UGT1A8: variants seen among roughly 807,000 people sequenced by gnomAD.
UGT1A8 encodes the protein UDP-glucuronosyltransferase 1A8.
A neutral mutation model predicts 45.3 loss-of-function variants in UGT1A8; 39 were observed. That is an observed-to-expected ratio of 0.86 (90% CI 0.67 to 1.12). The LOEUF is 1.12. Ranked by LOEUF, UGT1A8 falls within the 50% of genes most tolerant of loss-of-function variation. The pLI is 0.00. For synonymous variants in UGT1A8, 275 were observed against 249.2 expected (o/e 1.10, Z -0.97); for missense variants, 719 against 664.9 (o/e 1.08, Z -0.90).
chr2:233,659,819 C>G (rs535810534), intron 1 of UGT1A8, among the ~76,000 whole-genome samples: 1 of 152,292 alleles, frequency 6.6e-6, no homozygotes, highest in Admixed American at 6.5e-5. Flanking sequence ...AAGTCAAAAG[C>G]AGTCTTCAAT....
chr2:233,704,993 G>C (rs973779449), intron 1 of UGT1A8, among the ~76,000 whole-genome samples: 1 of 152,050 alleles, frequency 6.6e-6, no homozygotes, highest in Non-Finnish European at 1.5e-5. Context: ...GAAATTAGCC[G>C]GGTATGGTGG....
intron 1 of UGT1A8, among the ~76,000 whole-genome samples, chr2:233,766,325 G>C (rs574966930): frequency 6.6e-6 from 1 of 152,110 alleles, no homozygotes; most frequent in African/African-American, 2.4e-5. Flanking sequence ...GCCAAACTCC[G>C]CGTTGTTCTG....
chr2:233,680,972 TGGAGGCAG>T (rs2074504500), intron 1 of UGT1A8, among the ~76,000 whole-genome samples: 1 of 151,994 alleles, frequency 6.6e-6, no homozygotes, highest in Admixed American at 6.6e-5. Context: ...GAAGGGTCCA[TGGAGGCAG>T]GGTTGTCAAT....
chr2:233,733,522 T>C (rs2078409587), intron 1 of UGT1A8, among the ~76,000 whole-genome samples: 1 of 152,228 alleles, frequency 6.6e-6, no homozygotes, highest in Non-Finnish European at 1.5e-5. Flanking sequence ...CATGAAGGGA[T>C]GTTTAATTTT....
intron 1 of UGT1A8, among the ~76,000 whole-genome samples, chr2:233,715,364 AT>A (rs1460416152): frequency 6.7e-6 from 1 of 149,952 alleles, no homozygotes; most frequent in African/African-American, 2.4e-5. Context: ...TGAGACTTAT[AT>A]TTTCTTCACA....
At chr2:233,678,520 GT>G (rs1347609986) in intron 1 of UGT1A8, among the ~76,000 whole-genome samples, 4 of 152,098 alleles carry the variant, frequency 2.6e-5, no homozygotes, top group Middle Eastern at 6.8e-3. Flanking sequence ...ATTACTGTCT[GT>G]TTTTTTCTCT....
intron 1 of UGT1A8, among the ~76,000 whole-genome samples, chr2:233,735,156 T>G (rs2078613836): frequency 6.6e-6 from 1 of 152,214 alleles, no homozygotes; most frequent in Non-Finnish European, 1.5e-5. Context: ...TCTAAGTCTC[T>G]GTGTAGGTCT....
At chr2:233,728,474 GATC>G (rs1486985053) in intron 1 of UGT1A8, among the ~76,000 whole-genome samples, 1 of 152,138 alleles carries the variant, frequency 6.6e-6, no homozygotes, top group Non-Finnish European at 1.5e-5. Flanking sequence ...CCAAGAATCT[GATC>G]ATCACATCTT....
At chr2:233,726,156 G>A (rs1332003910) in intron 1 of UGT1A8, among the ~76,000 whole-genome samples, 1 of 152,114 alleles carries the variant, frequency 6.6e-6, no homozygotes, top group Non-Finnish European at 1.5e-5. Context: ...ACAGAGTGAG[G>A]CCCCATTTCA....
At chr2:233,730,293 G>T (rs1228640650) in intron 1 of UGT1A8, among the ~76,000 whole-genome samples, 1 of 152,186 alleles carries the variant, frequency 6.6e-6, no homozygotes, top group East Asian at 1.9e-4. Context: ...TCATGGTTGT[G>T]CATGTCCTTC....
At chr2:233,690,534 A>G (rs1240259112) in intron 1 of UGT1A8, 1 of 1,287,984 alleles carries the variant, frequency 7.8e-7, no homozygotes, top group Non-Finnish European at 1.0e-6. Flanking sequence ...TACTTCTTTC[A>G]CCCCACTGGA....
intron 1 of UGT1A8, among the ~76,000 whole-genome samples, chr2:233,644,296 G>C (rs986064544): frequency 6.6e-6 from 1 of 152,278 alleles, no homozygotes; most frequent in Middle Eastern, 3.4e-3. Flanking sequence ...TGCTGGGCAC[G>C]GTGGCTCATG....
At chr2:233,669,684 T>C (rs946455339) in intron 1 of UGT1A8, among the ~76,000 whole-genome samples, 1 of 152,122 alleles carries the variant, frequency 6.6e-6, no homozygotes, top group African/African-American at 2.4e-5. Context: ...TGTGGGTTTC[T>C]TTTTGTTTTT....
At chr2:233,696,389 A>G (rs1016787235) in intron 1 of UGT1A8, among the ~76,000 whole-genome samples, 3 of 152,108 alleles carry the variant, frequency 2.0e-5, no homozygotes, top group African/African-American at 7.2e-5. Context: ...TATTCTTTGT[A>G]CGTTTTGTAA....
At chr2:233,626,343 T>C (rs2073083430) in intron 1 of UGT1A8, among the ~76,000 whole-genome samples, 1 of 152,018 alleles carries the variant, frequency 6.6e-6, no homozygotes, top group Admixed American at 6.6e-5. Flanking sequence ...CTACATCTTC[T>C]TTCTCATCAA....
At chr2:233,694,747 G>A (rs1243865745) in intron 1 of UGT1A8, among the ~76,000 whole-genome samples, 5 of 152,170 alleles carry the variant, frequency 3.3e-5, no homozygotes, top group Non-Finnish European at 7.4e-5. Flanking sequence ...ACAGTTGGCA[G>A]TAGCCACTGT....
intron 1 of UGT1A8, among the ~76,000 whole-genome samples, chr2:233,696,572 A>G (rs919511146): frequency 2.0e-5 from 3 of 151,960 alleles, no homozygotes; most frequent in Non-Finnish European, 4.4e-5. Context: ...GAGAACAAGA[A>G]TAATTTGACT....
intron 1 of UGT1A8, among the ~76,000 whole-genome samples, chr2:233,765,985 G>A (rs1019803782): frequency 1.3e-5 from 2 of 152,120 alleles, no homozygotes; most frequent in Admixed American, 6.5e-5. Flanking sequence ...TACAGCTCCT[G>A]AAGCTCCAGT....
At chr2:233,759,853 T>C (rs938114684) in intron 1 of UGT1A8, among the ~76,000 whole-genome samples, 15 of 152,176 alleles carry the variant, frequency 9.9e-5, no homozygotes, top group African/African-American at 3.6e-4. Context: ...CAGGTTTCCA[T>C]GGCGAAAGCG....
Sources: gnomAD v4.1 joint callset for allele counts (sites outside exome capture counted in the v4.1 genomes callset) on GRCh38, gnomAD v4.1.1 for gene constraint, MANE v1.5 for transcripts, NCBI Gene and HGNC (gene_info 2026-07-23, HGNC 2026-07-21) for gene names.